PRICKLE2: variants seen among roughly 807,000 people sequenced by gnomAD.
The protein encoded by PRICKLE2 is prickle-like protein 2.
A neutral mutation model predicts 81.4 loss-of-function variants in PRICKLE2; 21 were observed. The ratio of observed to expected loss-of-function variants is 0.26; its 90% CI spans 0.18 to 0.37. The LOEUF (loss-of-function observed/expected upper bound fraction) is 0.37. PRICKLE2 is among the 10% of genes least tolerant of loss of function. The probability of loss-of-function intolerance (pLI) is 1.00; values close to 1 mark genes in which losing one functional copy is unlikely to be tolerated. For missense variants in PRICKLE2, 940 were observed against 1,109.0 expected, an observed-to-expected ratio of 0.85 and a Z score of 2.16; for synonymous variants, 456 against 421.5, an observed-to-expected ratio of 1.08 and a Z score of -1.00.
intron 2 of PRICKLE2, among the ~76,000 whole-genome samples, chr3:64,169,256 T>C (rs576476048): frequency 7.2e-5 from 11 of 152,268 alleles, no homozygotes; most frequent in African/African-American, 2.6e-4. Context: ...TCTTGTGTCA[T>C]GAAGTAACCT....
At chr3:64,240,335 T>C (rs2079245434) in intron 2 of PRICKLE2, among the ~76,000 whole-genome samples, 1 of 152,068 alleles carries the variant, frequency 6.6e-6, no homozygotes, top group South Asian at 2.1e-4. Context: ...GAATGAAGGA[T>C]TAAACAAGCT....
At chr3:64,149,323 G>T (rs1302204269) in intron 6 of PRICKLE2, among the ~76,000 whole-genome samples, 1 of 152,206 alleles carries the variant, frequency 6.6e-6, no homozygotes, top group Non-Finnish European at 1.5e-5. Context: ...GGCACCCAGG[G>T]ACTGATTCAG....
intron 1 of PRICKLE2, chr3:64,199,973 C>T (rs1034608088): frequency 6.6e-6 from 1 of 152,152 alleles, no homozygotes; most frequent in African/African-American, 2.4e-5. Flanking sequence ...CTGATAACAG[C>T]TTTGTGAAGA....
In PRICKLE2 at chr3:64,092,298, CTT is replaced by C. The variant is rs920041555; in HGVS notation, c.*6751_*6752del. ...TAGAATGTCTTACAATGAAACAACT[CTT>C]GTTGTCTGCCACTCCCAAGTCCTTG... On this transcript the variant is annotated 3_prime_UTR_variant, in exon 8 of 8. Coordinates refer to ENST00000638394, the MANE Select transcript of PRICKLE2 (RefSeq NM_198859.4). 36 of 152,322 alleles carry C rather than the reference CTT, an allele frequency of 2.4e-4. No individual in the cohort carries two copies. The highest frequency in any genetic ancestry group is 7.7e-4 in the African/African-American group (32 of 41,572). 9.4% of individuals were successfully genotyped at this position (152,322 alleles called of 1,614,324 possible).
At chr3:64,101,383 G>T (rs747166150) in intron 7 of PRICKLE2, 7 of 152,206 alleles carry the variant, frequency 4.6e-5, no homozygotes, top group Non-Finnish European at 8.8e-5. Context: ...TCTTTAGAAA[G>T]ATGGCCAATT....
chr3:64,208,545 C>A (rs1231052820), intron 1 of PRICKLE2, among the ~76,000 whole-genome samples: 4 of 152,308 alleles, frequency 2.6e-5, no homozygotes, highest in Middle Eastern at 3.4e-3. Flanking sequence ...CTCCAGGTGG[C>A]AGGTGTGACC....
chr3:64,247,860 A>T (rs774328807), intron 2 of PRICKLE2, among the ~76,000 whole-genome samples: 4 of 152,202 alleles, frequency 2.6e-5, no homozygotes, highest in Non-Finnish European at 2.9e-5. Flanking sequence ...CTCAAACACA[A>T]GTGGTTGTAA....
intron 2 of PRICKLE2, among the ~76,000 whole-genome samples, chr3:64,180,267 A>G (rs2078105100): frequency 6.6e-6 from 1 of 152,242 alleles, no homozygotes; most frequent in Non-Finnish European, 1.5e-5. Flanking sequence ...GGACTGCTCC[A>G]ATTCCTGAGA....
intron 7 of PRICKLE2, among the ~76,000 whole-genome samples, chr3:64,113,117 T>C (rs1214874933): frequency 6.6e-6 from 1 of 152,178 alleles, no homozygotes; most frequent in African/African-American, 2.4e-5. Flanking sequence ...GGGGGACCCC[T>C]TGACCACCAT....
At chr3:64,162,903 A>C in intron 3 of PRICKLE2, 113 bp downstream of exon 3, 1 of 810,936 alleles carries the variant, frequency 1.2e-6, no homozygotes, top group South Asian at 1.3e-5. Flanking sequence ...AAAACCTAAA[A>C]TAAATTGCCA....
chr3:64,221,534 T>A (rs1368760551), intron 1 of PRICKLE2, among the ~76,000 whole-genome samples: 1 of 151,946 alleles, frequency 6.6e-6, no homozygotes, highest in African/African-American at 2.4e-5. Flanking sequence ...GGGGCAAATG[T>A]CACTCAAAAG....
At chr3:64,126,206 G>C (rs1575566353) in intron 7 of PRICKLE2, among the ~76,000 whole-genome samples, 1 of 152,032 alleles carries the variant, frequency 6.6e-6, no homozygotes, top group South Asian at 2.1e-4. Flanking sequence ...GCTTTTTCTG[G>C]GGCTGAAACA....
intron 2 of PRICKLE2, among the ~76,000 whole-genome samples, chr3:64,181,603 A>C (rs528869643): frequency 6.6e-6 from 1 of 152,218 alleles, no homozygotes; most frequent in African/African-American, 2.4e-5. Flanking sequence ...CAGAAAATGG[A>C]TTGAAAAGAA....
intron 2 of PRICKLE2, among the ~76,000 whole-genome samples, chr3:64,251,386 C>G (rs1458889955): frequency 6.6e-6 from 1 of 152,180 alleles, no homozygotes; most frequent in Non-Finnish European, 1.5e-5. Context: ...TCTGCATGTC[C>G]TCTCCCACTC....
chr3:64,191,927 G>A (rs933483143), intron 2 of PRICKLE2, among the ~76,000 whole-genome samples: 2 of 152,154 alleles, frequency 1.3e-5, no homozygotes, highest in Non-Finnish European at 2.9e-5. Flanking sequence ...CAGACCCACT[G>A]CTCCTCCCAC....
chr3:64,148,332 T>C (rs2077490427), intron 6 of PRICKLE2, among the ~76,000 whole-genome samples: 1 of 152,246 alleles, frequency 6.6e-6, no homozygotes, highest in Non-Finnish European at 1.5e-5. Context: ...TGGAGTTTTC[T>C]TGATAGCATT....
intron 2 of PRICKLE2, among the ~76,000 whole-genome samples, chr3:64,188,675 T>C (rs557760788): frequency 9.1e-4 from 139 of 152,332 alleles, no homozygotes; most frequent in Admixed American, 1.8e-3. Context: ...ATAAAGTAGA[T>C]AGATTCTCTA....
At position 64,148,068 on chromosome 3, in the gene PRICKLE2, C is replaced by T. The variant is rs191270425; in HGVS notation, c.788-366G>A. ...GTAAACTCATTTAATCACTCAGCTC[C>T]TTGAGCTAGCTTTCTAATATTATTT... On this transcript the variant is annotated intron_variant, in intron 6 of 7. Transcript: ENST00000638394. Among the ~76,000 whole-genome samples the T allele has an allele frequency of 2.3e-4, 35 of 152,346 alleles. 1 individual carries two copies. The East Asian group carries it at 6.8e-3, about 29-fold the overall frequency.
In PRICKLE2 at chr3:64,099,909, A is replaced by G. The variant is rs1016884917; in HGVS notation, c.1677T>C (p.Gly559=). The part of the protein sequence containing the change: ...LSNATGLSAD[G]GAKRQEHLSR... ...ATAGGTGCTCCTGGCGCTTGGCACC[A>G]CCATCAGCAGAGAGGCCTGGGGAAG... is the stretch of plus-strand genomic sequence containing the variant. Residue 559 remains glycine (G), a synonymous_variant, in exon 8 of 8, where the codon GGT becomes GGC. Transcript: ENST00000638394. This position sits in a 1 kb window ranked among gnomAD's most constrained non-coding sequence, Gnocchi z 4.3. 5 of 1,614,178 alleles carry G rather than the reference A, an allele frequency of 3.1e-6. No homozygotes were observed. The highest frequency in any genetic ancestry group is 4.2e-6 in the Non-Finnish European group (5 of 1,180,034).
Sources: allele counts gnomAD v4.1 joint callset (sites outside exome capture counted in the v4.1 genomes callset), GRCh38; gene constraint gnomAD v4.1.1; non-coding constraint Gnocchi (gnomAD v3.1); transcripts MANE v1.5; gene names NCBI Gene and HGNC (gene_info 2026-07-23, HGNC 2026-07-21).